ZNF385B: variants seen among roughly 807,000 people sequenced by gnomAD.
The protein encoded by ZNF385B is zinc finger protein 533.
A neutral mutation model predicts 39.2 loss-of-function variants in ZNF385B; 23 were observed. The ratio of observed to expected loss-of-function variants is 0.59; its 90% CI spans 0.42 to 0.83. The LOEUF is 0.83. Ranked by LOEUF, ZNF385B falls within the 40% of genes least tolerant of loss-of-function variation. The pLI, the probability that ZNF385B is intolerant of heterozygous loss-of-function variation, is 0.00. For missense variants in ZNF385B, 552 were observed against 598.9 expected (o/e 0.92, Z 0.82); for synonymous variants, 205 against 222.6 (o/e 0.92, Z 0.70).
chr2:179,538,660 T>G (rs1404172070), intron 4 of ZNF385B, among the ~76,000 whole-genome samples: 6 of 152,242 alleles, frequency 3.9e-5, no homozygotes, highest in Admixed American at 2.6e-4. Context: ...GGTTTGGAAC[T>G]TTATACTTTG....
chr2:179,686,882 G>T (rs111290043), intron 3 of ZNF385B, among the ~76,000 whole-genome samples: 2,281 of 151,600 alleles, frequency 0.015, 67 homozygotes, highest in African/African-American at 0.051. Flanking sequence ...TTCATCTGTG[G>T]GCTCCTGAGA....
In ZNF385B at chr2:179,760,223, C is replaced by CGCGCGCGTGTGT. The variant is rs11282329; in HGVS notation, c.298+9279_298+9280insACACACGCGCGC. ...CCAGTATTACCTGGATTCCTGTGTG[C>CGCGCGCGTGTGT]GTGTGTGTGTGTGTGTGTGTGTGTG... On this transcript the variant is annotated intron_variant, in intron 3 of 9. Transcript: ENST00000410066. 1.1e-3 allele frequency among the ~76,000 whole-genome samples: 164 copies of CGCGCGCGTGTGT among 144,476 alleles called. 1 individual carries two copies. Among genetic ancestry groups the CGCGCGCGTGTGT allele is most frequent in the Non-Finnish European group, 1.9e-3 (128 of 65,744 alleles). 94.8% of individuals were successfully genotyped at this position (144,476 alleles called of 152,430 possible).
intron 1 of ZNF385B, among the ~76,000 whole-genome samples, chr2:179,806,552 A>G (rs1344235733): frequency 6.6e-6 from 1 of 152,196 alleles, no homozygotes. Context: ...CTGATATTTT[A>G]CATCACTAAA....
chr2:179,690,503 T>C (rs1400122884), intron 3 of ZNF385B, among the ~76,000 whole-genome samples: 2 of 152,180 alleles, frequency 1.3e-5, no homozygotes, highest in African/African-American at 2.4e-5. Flanking sequence ...GAAAAAGCCA[T>C]GTATAAGTGG....
chr2:179,536,341 A>G (rs770122495), intron 4 of ZNF385B: 2 of 152,160 alleles, frequency 1.3e-5, no homozygotes, highest in Non-Finnish European at 2.9e-5. Flanking sequence ...CTGACCTGGG[A>G]CAGCGCCAAG....
At chr2:179,574,249 C>T (rs777547870) in intron 3 of ZNF385B, among the ~76,000 whole-genome samples, 10 of 152,108 alleles carry the variant, frequency 6.6e-5, no homozygotes, top group Non-Finnish European at 1.3e-4. Flanking sequence ...CAAAACTGTA[C>T]CTTTCTGTGG....
At chr2:179,450,884 AT>A (rs2050059897) in intron 6 of ZNF385B, among the ~76,000 whole-genome samples, 1 of 152,106 alleles carries the variant, frequency 6.6e-6, no homozygotes, top group African/African-American at 2.4e-5. Context: ...GATTAAGAAA[AT>A]GTGGCACATA....
chr2:179,466,359 C>A (rs62177199), intron 6 of ZNF385B, among the ~76,000 whole-genome samples: 6,686 of 151,994 alleles, frequency 0.044, 220 homozygotes, highest in Middle Eastern at 0.11. Context: ...ATAGCTAAGG[C>A]ATATACCTCT....
Position 179,446,705 on chromosome 2 carries a change from G to C in ZNF385B, c.781C>G (p.Leu261Val). ...QPSSSESGSF[L>V]LKSGTTPLPP... ...AGGGGTGTTGTGCCAGATTTGAGGA[G>C]AAATGAGCCACTTTCAGAGCTTGAT... The change falls in exon 7 of 10, where the codon CTC (leucine) becomes GTC (valine). Residue 261 changes from leucine (L) to valine (V), a missense_variant. By Grantham distance (32) the Leu-to-Val change is conservative (BLOSUM62 1). Transcript: ENST00000410066. 6.2e-7 allele frequency: 1 copy of C among 1,614,066 alleles called. No homozygotes were observed. Among genetic ancestry groups the C allele is most frequent in the Non-Finnish European group, 8.5e-7 (1 of 1,179,974 alleles).
rs146816050 is a variant in ZNF385B, at chr2:179,442,948, T to G, written c.*302A>C. ...TAGAGAATGGTTTTCTTTCTTTTTC[T>G]TTCTGACCAATACATGCTCAAGAAA... On this transcript the variant is annotated 3_prime_UTR_variant, in exon 10 of 10. Transcript: ENST00000410066. 239 of 460,176 alleles carry G rather than the reference T, an allele frequency of 5.2e-4. 2 individuals carry two copies. Among genetic ancestry groups the G allele is most frequent in the African/African-American group, 4.3e-3 (215 of 50,572 alleles). 28.5% of individuals were successfully genotyped at this position (460,176 alleles called of 1,614,324 possible).
chr2:179,540,639 C>A (rs955938784), intron 4 of ZNF385B, among the ~76,000 whole-genome samples: 1 of 152,060 alleles, frequency 6.6e-6, no homozygotes, highest in Non-Finnish European at 1.5e-5. Flanking sequence ...GAACTGGGAC[C>A]CTTTCCTCTC....
At chr2:179,717,019 T>G (rs1575328760) in intron 3 of ZNF385B, among the ~76,000 whole-genome samples, 1 of 152,154 alleles carries the variant, frequency 6.6e-6, no homozygotes, top group East Asian at 1.9e-4. Flanking sequence ...ACAGATACTC[T>G]GAGATATAAT....
chr2:179,658,201 T>C (rs567746715), intron 3 of ZNF385B, among the ~76,000 whole-genome samples: 1 of 152,324 alleles, frequency 6.6e-6, no homozygotes, highest in Non-Finnish European at 1.5e-5. Flanking sequence ...CCTTGGTAAA[T>C]GATAAACAAA....
At chr2:179,508,131 C>T (rs192762199) in intron 5 of ZNF385B, among the ~76,000 whole-genome samples, 106 of 152,144 alleles carry the variant, frequency 7.0e-4, no homozygotes, top group Non-Finnish European at 1.0e-3. Context: ...TTGTCTTAAA[C>T]TGTAAAAACT....
intron 3 of ZNF385B, among the ~76,000 whole-genome samples, chr2:179,581,338 G>A (rs1686491958): frequency 6.6e-6 from 1 of 152,104 alleles, no homozygotes; most frequent in Non-Finnish European, 1.5e-5. Flanking sequence ...ATAAAAACAA[G>A]TACAGTTAAA....
chr2:179,459,613 GTGTA>G (rs1437951341), intron 6 of ZNF385B, among the ~76,000 whole-genome samples: 2 of 147,654 alleles, frequency 1.4e-5, no homozygotes, highest in African/African-American at 2.6e-5. Context: ...GTGTGTGTGT[GTGTA>G]TGTGTGTGTG....
At chr2:179,815,576 T>C (rs962486407) in intron 1 of ZNF385B, among the ~76,000 whole-genome samples, 9 of 152,214 alleles carry the variant, frequency 5.9e-5, no homozygotes, top group African/African-American at 1.7e-4. Flanking sequence ...CTATCTTCTT[T>C]ACCAGAGAAC....
chr2:179,579,970 C>T (rs1468397732), intron 3 of ZNF385B, among the ~76,000 whole-genome samples: 2 of 152,086 alleles, frequency 1.3e-5, no homozygotes, highest in African/African-American at 4.8e-5. Flanking sequence ...TTAGTGGCTC[C>T]AGAGCCAAAT....
chr2:179,445,661 A>G lies in ZNF385B; in HGVS notation c.1029T>C (p.Pro343=), dbSNP rs1313741543. 4 of 1,613,956 alleles carry G rather than the reference A, an allele frequency of 2.5e-6. No homozygotes were observed. Among genetic ancestry groups the G allele is most frequent in the Non-Finnish European group, 3.4e-6 (4 of 1,179,982 alleles). ...CATTCTGCATCTTTAATCTTGATCC[A>G]GGTCTAGGATAGGATTTAATTGGAC... The part of the protein sequence containing the change: ...GAGPIKSYPR[P]GSRLKMQNGS... Residue 343 remains proline (P), a synonymous_variant, in exon 8 of 10, where the codon CCT becomes CCC. Coordinates refer to ENST00000410066, the MANE Select transcript of ZNF385B (RefSeq NM_152520.6).
Sources: gnomAD v4.1 joint callset for allele counts (sites outside exome capture counted in the v4.1 genomes callset) on GRCh38, gnomAD v4.1.1 for gene constraint, MANE v1.5 for transcripts, NCBI Gene and HGNC (gene_info 2026-07-23, HGNC 2026-07-21) for gene names.